The following PCDHA5 variants were observed in gnomAD, a reference collection of about 807,000 sequenced individuals.
The protein encoded by PCDHA5 is protocadherin alpha 5.
PCDHA5 carries 43 observed loss-of-function variants against 61.6 expected under a neutral mutation model. The ratio of observed to expected loss-of-function variants is 0.70; its 90% CI spans 0.55 to 0.90. The LOEUF is 0.90. Ranked by LOEUF, PCDHA5 falls within the 40% of genes least tolerant of loss-of-function variation. PCDHA5 has a pLI of 0.00. For synonymous variants in PCDHA5, 627 were observed against 543.9 expected, an observed-to-expected ratio of 1.15 and a Z score of -2.13; for missense variants, 1,298 against 1,222.7, an observed-to-expected ratio of 1.06 and a Z score of -0.92.
intron 1 of PCDHA5, chr5:140,884,082 C>A (rs2059986179): frequency 1.2e-6 from 2 of 1,613,558 alleles, no homozygotes; most frequent in Non-Finnish European, 8.5e-7. Flanking sequence ...GGCTACAATG[C>A]GTGGCTTTCG....
At chr5:140,941,317 C>T (rs1264351232) in intron 1 of PCDHA5, among the ~76,000 whole-genome samples, 5 of 99,210 alleles carry the variant, frequency 5.0e-5, no homozygotes, top group Admixed American at 1.1e-4. Flanking sequence ...TTTCTTCTTT[C>T]TCTTTTTTTT....
chr5:140,917,955 C>T (rs1439909877), intron 1 of PCDHA5, among the ~76,000 whole-genome samples: 1 of 151,916 alleles, frequency 6.6e-6, no homozygotes, highest in Admixed American at 6.6e-5. Context: ...TTGATAGGAA[C>T]ATCATTGAAT....
intron 1 of PCDHA5, chr5:140,871,538 A>G: frequency 6.6e-7 from 1 of 1,507,314 alleles, no homozygotes; most frequent in Non-Finnish European, 8.9e-7. Context: ...TGTATGTGAA[A>G]TTATTTAAAA....
At chr5:140,869,926 G>T in intron 1 of PCDHA5, 1 of 1,611,516 alleles carries the variant, frequency 6.2e-7, no homozygotes, top group Non-Finnish European at 8.5e-7. Flanking sequence ...AGGAGTCAAT[G>T]GAGAGGTAAC....
chr5:140,917,874 C>T (rs1240832097), intron 1 of PCDHA5, among the ~76,000 whole-genome samples: 2 of 151,008 alleles, frequency 1.3e-5, no homozygotes, highest in African/African-American at 4.9e-5. Context: ...ACTATTTGGG[C>T]TCTTTTTTTT....
chr5:140,877,028 C>T (rs367864661), intron 1 of PCDHA5: 1 of 1,612,352 alleles, frequency 6.2e-7, no homozygotes, highest in Non-Finnish European at 8.5e-7. Flanking sequence ...AAGGTGTACG[C>T]GCTGCAGCCG....
rs2150311050 is a variant in PCDHA5, at chr5:140,841,098, T to C, written c.2352+16971T>C. The C allele has an allele frequency of 1.6e-4, 93 of 572,610 alleles. 1 individual carries two copies. The highest frequency in any genetic ancestry group is 1.4e-3 in the African/African-American group (77 of 53,518). The allele number at this position is 572,610 out of a possible 1,614,324, so 35.5% of individuals were successfully genotyped here. On this transcript the variant is annotated intron_variant, in intron 1 of 3. Transcript: ENST00000529859. ...GAAAGTGCATAGAAGAACCCAGATA[T>C]TGCGGAAGTAATTCATGTAATCATT...
chr5:140,871,208 C>G, intron 1 of PCDHA5: 1 of 1,613,802 alleles, frequency 6.2e-7, no homozygotes, highest in Non-Finnish European at 8.5e-7. Context: ...CTGATCATCG[C>G]CATCTGCGTG....
At position 140,917,332 on chromosome 5, in the gene PCDHA5, G is replaced by T. The variant is rs182473611; in HGVS notation, c.2353-61617G>T. Among the ~76,000 whole-genome samples the T allele has an allele frequency of 8.2e-3, 1,196 of 145,640 alleles. 67 individuals carry two copies. The highest frequency in any genetic ancestry group is 0.021 in the African/African-American group (776 of 37,840). On this transcript the variant is annotated intron_variant, in intron 1 of 3. Transcript: ENST00000529859. ...ATTTGGTGTTCATGTGGCGGGGGAG[G>T]GGGGGGATGGTGTAGGCTTCTGTTC... is the stretch of plus-strand genomic sequence containing the variant.
intron 1 of PCDHA5, among the ~76,000 whole-genome samples, chr5:140,941,202 C>CTTTCCTTCTTT (rs1554213921): frequency 8.1e-6 from 1 of 122,742 alleles, no homozygotes; most frequent in Non-Finnish European, 1.8e-5. Flanking sequence ...TTTCTTTCTT[C>CTTTCCTTCTTT]CTTTCTTTCT....
intron 3 of PCDHA5, among the ~76,000 whole-genome samples, chr5:141,002,613 A>G (rs1587992392): frequency 1.3e-5 from 2 of 152,206 alleles, no homozygotes; most frequent in African/African-American, 4.8e-5. Context: ...AAACAGACAC[A>G]TAACACAGAC....
At chr5:140,868,550 T>A (rs2050522684) in intron 1 of PCDHA5, 1 of 152,704 alleles carries the variant, frequency 6.5e-6, no homozygotes, top group South Asian at 2.1e-4. Flanking sequence ...AATTTGATAG[T>A]ATTTTTATAT....
At chr5:140,863,975 T>G (rs1429361559) in intron 1 of PCDHA5, 2 of 153,508 alleles carry the variant, frequency 1.3e-5, no homozygotes, top group Non-Finnish European at 2.9e-5. Context: ...CACTACAGCC[T>G]GGGAGACAGG....
chr5:140,967,361 C>G (rs1323729968), intron 1 of PCDHA5: 9 of 1,607,256 alleles, frequency 5.6e-6, no homozygotes, highest in African/African-American at 1.3e-5. Context: ...GGACCTTAAG[C>G]CCCTGCAGGA....
At chr5:140,865,092 AG>A (rs2153225895) in intron 1 of PCDHA5, 1 of 152,364 alleles carries the variant, frequency 6.6e-6, no homozygotes, top group East Asian at 1.9e-4. Context: ...ATATTAATAA[AG>A]GCACTTCCAC....
intron 3 of PCDHA5, among the ~76,000 whole-genome samples, chr5:140,989,801 G>A (rs1554251107): frequency 1.3e-5 from 2 of 152,184 alleles, no homozygotes; most frequent in Non-Finnish European, 1.5e-5. Context: ...CCCAGGAAAG[G>A]GCCATAAGAT....
At chr5:140,844,146 A>G (rs1056681888) in intron 1 of PCDHA5, among the ~76,000 whole-genome samples, 1 of 149,130 alleles carries the variant, frequency 6.7e-6, no homozygotes, top group Non-Finnish European at 1.5e-5. Flanking sequence ...TTGTCTTTAT[A>G]TTTACTTTTA....
At chr5:140,941,063 TG>T (rs1554213711) in intron 1 of PCDHA5, among the ~76,000 whole-genome samples, 2 of 152,194 alleles carry the variant, frequency 1.3e-5, no homozygotes, top group East Asian at 3.8e-4. Context: ...AGCAGTTTTC[TG>T]GGCTGGAGAG....
In PCDHA5 at chr5:140,850,319, A is replaced by G; in HGVS notation, c.2352+26192A>G. The G allele has an allele frequency of 2.5e-6, 4 of 1,597,562 alleles. 1 individual carries two copies. The highest frequency in any genetic ancestry group is 1.1e-5 in the South Asian group (1 of 90,528). Reference sequence around the variant, plus strand: ...ACTCGGGCTACAACGCGTGGCTTTCATACGAGCTGCAGCCAGAAACGGCCA... The same window carrying G: ...ACTCGGGCTACAACGCGTGGCTTTCGTACGAGCTGCAGCCAGAAACGGCCA... On this transcript the variant is annotated intron_variant, in intron 1 of 3. Coordinates refer to ENST00000529859, the MANE Select transcript of PCDHA5 (RefSeq NM_018908.3).
Sources: gnomAD v4.1 joint callset for allele counts (sites outside exome capture counted in the v4.1 genomes callset) on GRCh38, gnomAD v4.1.1 for gene constraint, MANE v1.5 for transcripts, NCBI Gene and HGNC (gene_info 2026-07-23, HGNC 2026-07-21) for gene names.